PRDM6: variants seen among roughly 807,000 people sequenced by gnomAD.
The protein encoded by PRDM6 is PR/SET domain 6.
PRDM6 carries 25 observed loss-of-function variants against 60.8 expected under a neutral mutation model. The ratio of observed to expected loss-of-function variants is 0.41; its 90% confidence interval spans 0.30 to 0.57. The LOEUF (loss-of-function observed/expected upper bound fraction) is 0.57. Among genes scored for constraint, PRDM6 ranks in the 20% least tolerant of loss-of-function variants. The pLI is 0.27. For missense variants in PRDM6, 839 were observed against 821.3 expected, an observed-to-expected ratio of 1.02 and a Z score of -0.26; for synonymous variants, 407 against 357.4, an observed-to-expected ratio of 1.14 and a Z score of -1.57.
Position 123,090,297 on chromosome 5 carries a change from T to TCCG in PRDM6, c.285_286insGCC (p.Ser95_Cys96insAla), listed in dbSNP as rs1328514168. On this transcript the variant is annotated inframe_insertion, in exon 2 of 8. Coordinates refer to ENST00000407847, the MANE Select transcript of PRDM6 (RefSeq NM_001136239.4). ...TTCCACCTCCGCCTCCTCCGCCTCC[T>TCCG]CCTGCGCTGCTGCGGCCGCTGCCGC... The TCCG allele has an allele frequency of 8.1e-6, 12 of 1,488,448 alleles. No individual in the cohort carries two copies. The African/African-American group carries it at 1.6e-4, about 20-fold the overall frequency. The allele number at this position is 1,488,448 out of a possible 1,614,324, so 92.2% of individuals were successfully genotyped here.
In PRDM6 at chr5:123,192,500, A is replaced by G. The variant is rs1766452148; in HGVS notation, c.*5299A>G. 6.6e-6 allele frequency: 1 copy of G among 152,188 alleles called. No homozygotes were observed. The highest frequency in any genetic ancestry group is 2.1e-4 in the South Asian group (1 of 4,832). The allele number at this position is 152,188 out of a possible 1,614,324, so 9.4% of individuals were successfully genotyped here. A position where few individuals can be genotyped will look rare whatever the true frequency, so the allele number is the denominator to read the frequency against. ...GCTATTAAAACACGTATCATTATAGATGCTGATTTTGTCATGCCCAAATCT... is the reference window on the plus strand; with the variant it reads ...GCTATTAAAACACGTATCATTATAGGTGCTGATTTTGTCATGCCCAAATCT... On this transcript the variant is annotated 3_prime_UTR_variant, in exon 8 of 8. Coordinates refer to ENST00000407847, the MANE Select transcript of PRDM6 (RefSeq NM_001136239.4).
At chr5:123,136,903 G>C (rs1764969863) in intron 3 of PRDM6, among the ~76,000 whole-genome samples, 1 of 152,126 alleles carries the variant, frequency 6.6e-6, no homozygotes, top group South Asian at 2.1e-4. Flanking sequence ...TCCCAAGTTT[G>C]CATTGTGGTT....
At chr5:123,119,035 C>T (rs914352205) in intron 3 of PRDM6, among the ~76,000 whole-genome samples, 4 of 151,962 alleles carry the variant, frequency 2.6e-5, no homozygotes, top group Admixed American at 6.6e-5. Context: ...CAAAGAAGAC[C>T]CCACCTGTGT....
At chr5:123,116,468 T>G (rs1764449744) in intron 3 of PRDM6, among the ~76,000 whole-genome samples, 1 of 152,162 alleles carries the variant, frequency 6.6e-6, no homozygotes, top group Non-Finnish European at 1.5e-5. Context: ...TAAACTAGTT[T>G]CAAACTAAGA....
intron 5 of PRDM6, among the ~76,000 whole-genome samples, chr5:123,166,815 A>G (rs1000313152): frequency 1.3e-5 from 2 of 152,338 alleles, no homozygotes; most frequent in South Asian, 2.1e-4. Flanking sequence ...TCATGCGTTC[A>G]TGTTCTTCCT....
Position 123,166,303 on chromosome 5 carries a change from C to A in PRDM6, c.1154-4463C>A, listed in dbSNP as rs117769744. 2.2e-4 allele frequency among the ~76,000 whole-genome samples: 33 copies of A among 152,306 alleles called. No individual in the cohort carries two copies. In the East Asian group the frequency reaches 6.4e-3, roughly 29 times the overall value. On this transcript the variant is annotated intron_variant, in intron 5 of 7. Coordinates refer to ENST00000407847, the MANE Select transcript of PRDM6 (RefSeq NM_001136239.4). ...TTCCATCTTTTTGCATTGCCTTTTCCTCCCTTTGCACTTGTATGATGCCCG... is the reference window on the plus strand; with the variant it reads ...TTCCATCTTTTTGCATTGCCTTTTCATCCCTTTGCACTTGTATGATGCCCG...
rs1343813356 is a variant in PRDM6 at position 123,089,875 on chromosome 5, C to CGCGGAACCGGGCGGCCGCCG, written c.-15-122_-15-103dup. 3 of 683,284 alleles carry CGCGGAACCGGGCGGCCGCCG rather than the reference C, an allele frequency of 4.4e-6. No individual in the cohort carries two copies. In the African/African-American group the frequency reaches 5.7e-5, roughly 13 times the overall value. The allele number at this position is 683,284 out of a possible 1,614,324, so 42.3% of individuals were successfully genotyped here. ...CCAAGCGGAGTTGGGAAGAGGGAGCCGCGGAACCGGGCGGCCGCCGGCTGA... is the reference window on the plus strand; with the variant it reads ...CCAAGCGGAGTTGGGAAGAGGGAGCCGCGGAACCGGGCGGCCGCCGGCGGAACCGGGCGGCCGCCGGCTGA... On this transcript the variant is annotated intron_variant, in intron 1 of 7. Coordinates refer to ENST00000407847, the MANE Select transcript of PRDM6 (RefSeq NM_001136239.4).
chr5:123,109,481 A>G (rs980180540), intron 3 of PRDM6, among the ~76,000 whole-genome samples: 55 of 152,204 alleles, frequency 3.6e-4, no homozygotes, highest in Non-Finnish European at 5.3e-4. Flanking sequence ...TGATAAAACA[A>G]AAGATTGTAT....
chr5:123,182,441 A>T (rs1439308836), intron 7 of PRDM6, among the ~76,000 whole-genome samples: 1 of 152,168 alleles, frequency 6.6e-6, no homozygotes, highest in East Asian at 1.9e-4. Flanking sequence ...ATTGATTTTT[A>T]TCTTGTTGCT....
intron 3 of PRDM6, among the ~76,000 whole-genome samples, chr5:123,155,141 C>G (rs1252899153): frequency 1.3e-5 from 2 of 152,032 alleles, no homozygotes; most frequent in East Asian, 3.9e-4. Flanking sequence ...TTCTCAAATG[C>G]TATCTTGAAA....
In PRDM6 at chr5:123,099,532, T is replaced by A; in HGVS notation, c.593-122T>A. On this transcript the variant is annotated intron_variant, in intron 2 of 7. Transcript: ENST00000407847. The surrounding 1 kb of genome is among the most constrained non-coding windows in gnomAD (Gnocchi z 4.0). ...CGGTGCCCCCAAGGCATCACCTTCC[T>A]CGAAGGTGGCTTACCCAGGCGGGCG... The A allele has an allele frequency of 1.1e-6, 1 of 890,084 alleles. No individual in the cohort carries two copies. The highest frequency in any genetic ancestry group is 1.6e-6 in the Non-Finnish European group (1 of 617,902). The allele number at this position is 890,084 out of a possible 1,614,324, so 55.1% of individuals were successfully genotyped here. A position where few individuals can be genotyped will look rare whatever the true frequency, so the allele number is the denominator to read the frequency against.
At chr5:123,185,535 T>A (rs1561890386) in intron 7 of PRDM6, among the ~76,000 whole-genome samples, 1 of 152,224 alleles carries the variant, frequency 6.6e-6, no homozygotes, top group East Asian at 1.9e-4. Context: ...GTTATTTTCA[T>A]TGAGCTGATA....
At chr5:123,168,880 G>A (rs539030707) in intron 5 of PRDM6, among the ~76,000 whole-genome samples, 1 of 152,350 alleles carries the variant, frequency 6.6e-6, no homozygotes, top group African/African-American at 2.4e-5. Flanking sequence ...ACTCCTTTCT[G>A]TGCCCACACA....
At chr5:123,121,827 T>C (rs1287468619) in intron 3 of PRDM6, among the ~76,000 whole-genome samples, 2 of 151,718 alleles carry the variant, frequency 1.3e-5, no homozygotes, top group Non-Finnish European at 2.9e-5. Flanking sequence ...TTTTAATATG[T>C]AACAGTTTAG....
chr5:123,155,098 A>G (rs1200300572), intron 3 of PRDM6, among the ~76,000 whole-genome samples: 2 of 152,072 alleles, frequency 1.3e-5, no homozygotes, highest in Non-Finnish European at 2.9e-5. Flanking sequence ...TTTTTGTCTC[A>G]TGCTTATTGA....
chr5:123,164,171 C>A (rs960726502), intron 5 of PRDM6, among the ~76,000 whole-genome samples: 1 of 152,134 alleles, frequency 6.6e-6, no homozygotes, highest in Non-Finnish European at 1.5e-5. Flanking sequence ...CACATAAGCA[C>A]ATAACCACAA....
At chr5:123,168,239 T>C (rs1765803329) in intron 5 of PRDM6, among the ~76,000 whole-genome samples, 2 of 152,324 alleles carry the variant, frequency 1.3e-5, no homozygotes, top group South Asian at 4.1e-4. Context: ...CAAACATACG[T>C]ACGTAGGTGT....
intron 3 of PRDM6, among the ~76,000 whole-genome samples, chr5:123,130,363 T>G (rs1011120526): frequency 2.9e-5 from 4 of 137,844 alleles, no homozygotes; most frequent in African/African-American, 5.5e-5. Flanking sequence ...CTTTTTTTCT[T>G]CCCTCCTCCT....
chr5:123,170,743 C>T, intron 5 of PRDM6, 23 bp from the exon 6 acceptor site: 2 of 1,483,726 alleles, frequency 1.3e-6, no homozygotes, highest in Non-Finnish European at 1.8e-6. Flanking sequence ...AACTGTTCTT[C>T]TAAACTGTTG....
Sources: gnomAD v4.1 joint callset for allele counts (sites outside exome capture counted in the v4.1 genomes callset) on GRCh38, gnomAD v4.1.1 for gene constraint, Gnocchi (gnomAD v3.1) non-coding constraint, MANE v1.5 for transcripts, NCBI Gene and HGNC (gene_info 2026-07-23, HGNC 2026-07-21) for gene names.